Variants in DGKI observed in about 807,000 individuals in gnomAD.
DGKI encodes the protein diacylglycerol kinase iota, also known as DAG kinase iota.
DGKI carries 55 observed loss-of-function variants against 147.5 expected under a neutral mutation model. That is an observed-to-expected ratio of 0.37 (90% CI 0.30 to 0.47). The LOEUF is 0.47. Ranked by LOEUF, DGKI falls within the 20% of genes least tolerant of loss-of-function variation. The pLI is 1.00. For synonymous variants in DGKI, 469 were observed against 477.1 expected, an observed-to-expected ratio of 0.98 and a Z score of 0.22; for missense variants, 1,007 against 1,323.8, an observed-to-expected ratio of 0.76 and a Z score of 3.71.
intron 1 of DGKI, among the ~76,000 whole-genome samples, chr7:137,796,386 G>A (rs1246051293): frequency 1.3e-5 from 2 of 152,110 alleles, no homozygotes; most frequent in Non-Finnish European, 2.9e-5. Context: ...TGTAATCCCA[G>A]CTACTCAGGA....
At chr7:137,444,913 G>A (rs1455191085) in intron 27 of DGKI, among the ~76,000 whole-genome samples, 2 of 152,140 alleles carry the variant, frequency 1.3e-5, no homozygotes, top group African/African-American at 4.8e-5. Flanking sequence ...GAAAGAGAGA[G>A]ACATATAACA....
In DGKI at chr7:137,846,202, C is replaced by G. The variant is rs998357626; in HGVS notation, c.401+260G>C. ...ACACACACACACACACACACACACACAGACAAAATTTCTGTTGCTCTGACC... is the reference window on the plus strand; with the variant it reads ...ACACACACACACACACACACACACAGAGACAAAATTTCTGTTGCTCTGACC... On this transcript the variant is annotated intron_variant, in intron 1 of 32. Transcript: ENST00000614521. The surrounding 1 kb of genome is among the most constrained non-coding windows in gnomAD (Gnocchi z 4.0). Among the ~76,000 whole-genome samples the G allele has an allele frequency of 9.1e-5, 13 of 143,370 alleles. No individual in the cohort carries two copies. Among genetic ancestry groups the G allele is most frequent in the Middle Eastern group, 3.5e-3 (1 of 282 alleles). The allele number at this position is 143,370 out of a possible 152,430, so 94.1% of individuals were successfully genotyped here.
chr7:137,485,335 C>A, intron 23 of DGKI, 39 bp downstream of exon 23: 1 of 1,532,454 alleles, frequency 6.5e-7, no homozygotes, highest in Non-Finnish European at 8.9e-7. Flanking sequence ...CTTCATTTGG[C>A]CAGAAGGTAA....
chr7:137,580,475 T>C (rs564145112), intron 15 of DGKI, among the ~76,000 whole-genome samples: 39 of 152,114 alleles, frequency 2.6e-4, no homozygotes, highest in Non-Finnish European at 4.4e-4. Context: ...CTGTTATCAA[T>C]CATGCCTTCT....
At chr7:137,672,627 G>A (rs1239294609) in intron 3 of DGKI, among the ~76,000 whole-genome samples, 5 of 152,102 alleles carry the variant, frequency 3.3e-5, no homozygotes, top group Non-Finnish European at 5.9e-5. Context: ...GGCTTGGAGG[G>A]AGAATGAATT....
chr7:137,596,962 A>G (rs1819819335), intron 12 of DGKI, among the ~76,000 whole-genome samples: 1 of 152,232 alleles, frequency 6.6e-6, no homozygotes. Flanking sequence ...CCGGAAGAAA[A>G]AGAACCAGAC....
At chr7:137,592,289 T>C (rs1267271240) in intron 12 of DGKI, among the ~76,000 whole-genome samples, 1 of 152,214 alleles carries the variant, frequency 6.6e-6, no homozygotes, top group Non-Finnish European at 1.5e-5. Context: ...TTGCACTTGG[T>C]ATATTTTCCA....
chr7:137,676,797 G>C (rs1823053003), intron 3 of DGKI, among the ~76,000 whole-genome samples: 1 of 152,126 alleles, frequency 6.6e-6, no homozygotes, highest in Admixed American at 6.5e-5. Context: ...TCAGTGGATA[G>C]CAATGCTATT....
chr7:137,579,309 A>G (rs1356732637), intron 15 of DGKI, among the ~76,000 whole-genome samples: 1 of 152,068 alleles, frequency 6.6e-6, no homozygotes, highest in Non-Finnish European at 1.5e-5. Context: ...TCTACTGACA[A>G]AATAAGTAAG....
chr7:137,400,202 G>A (rs756930240), intron 30 of DGKI, among the ~76,000 whole-genome samples: 3 of 152,180 alleles, frequency 2.0e-5, no homozygotes, highest in South Asian at 2.1e-4. Flanking sequence ...CACTCTTCAC[G>A]TCAGCAAGGG....
chr7:137,459,389 C>T (rs1218441709), intron 27 of DGKI, among the ~76,000 whole-genome samples: 1 of 150,066 alleles, frequency 6.7e-6, no homozygotes, highest in Non-Finnish European at 1.5e-5. Flanking sequence ...AGGTATATTT[C>T]TTTCTGTTTT....
chr7:137,579,917 A>G (rs1038338216), intron 15 of DGKI, among the ~76,000 whole-genome samples: 11 of 152,182 alleles, frequency 7.2e-5, no homozygotes, highest in Admixed American at 2.0e-4. Context: ...GCTTAAAATA[A>G]AAGAGAAAAA....
intron 1 of DGKI, among the ~76,000 whole-genome samples, chr7:137,782,174 T>A (rs1796538652): frequency 6.6e-6 from 1 of 152,122 alleles, no homozygotes; most frequent in Non-Finnish European, 1.5e-5. Flanking sequence ...GCTTTCTCAA[T>A]GGGAAGGCTC....
chr7:137,536,274 C>A (rs751982318), intron 20 of DGKI, among the ~76,000 whole-genome samples: 5 of 152,136 alleles, frequency 3.3e-5, no homozygotes, highest in African/African-American at 4.8e-5. Context: ...TGTTCTCTGT[C>A]TTCTCATCTA....
chr7:137,798,413 C>T (rs1585506170), intron 1 of DGKI, among the ~76,000 whole-genome samples: 1 of 151,986 alleles, frequency 6.6e-6, no homozygotes, highest in South Asian at 2.1e-4. Flanking sequence ...CCGATATCTG[C>T]TTTTTTTATT....
intron 6 of DGKI, among the ~76,000 whole-genome samples, chr7:137,635,373 A>G (rs562856960): frequency 2.7e-4 from 41 of 152,294 alleles, no homozygotes; most frequent in African/African-American, 9.6e-4. Context: ...AGGCAAACTG[A>G]TTACACTGAA....
At chr7:137,806,952 G>A (rs1043328370) in intron 1 of DGKI, among the ~76,000 whole-genome samples, 1 of 152,114 alleles carries the variant, frequency 6.6e-6, no homozygotes, top group Admixed American at 6.5e-5. Flanking sequence ...CAAGAAACAG[G>A]GCCATCCAGG....
chr7:137,504,149 G>C (rs745888857), intron 21 of DGKI, among the ~76,000 whole-genome samples: 3 of 152,166 alleles, frequency 2.0e-5, no homozygotes, highest in Admixed American at 6.6e-5. Flanking sequence ...TTTATAAAAA[G>C]GGAGAAAACT....
intron 20 of DGKI, among the ~76,000 whole-genome samples, chr7:137,530,448 A>G (rs1817301710): frequency 6.6e-6 from 1 of 152,126 alleles, no homozygotes; most frequent in African/African-American, 2.4e-5. Flanking sequence ...ATTGGGCCCC[A>G]TGCATCCAAA....
Sources: allele counts gnomAD v4.1 joint callset (sites outside exome capture counted in the v4.1 genomes callset), GRCh38; gene constraint gnomAD v4.1.1; non-coding constraint Gnocchi (gnomAD v3.1); transcripts MANE v1.5; gene names NCBI Gene and HGNC (gene_info 2026-07-23, HGNC 2026-07-21).